Variants in DCC observed in about 807,000 individuals in gnomAD.
The protein encoded by DCC is DCC netrin 1 receptor.
A neutral mutation model predicts 172.5 loss-of-function variants in DCC; 58 were observed. The observed-to-expected ratio is 0.34, with a 90% CI of 0.27 to 0.42. The LOEUF (loss-of-function observed/expected upper bound fraction) is 0.42. Ranked by LOEUF, DCC falls within the 10% of genes least tolerant of loss-of-function variation. DCC has a pLI of 1.00. For missense variants in DCC, 1,740 were observed against 1,791.0 expected (o/e 0.97, Z 0.51); for synonymous variants, 709 against 644.5 (o/e 1.10, Z -1.52).
At chr18:52,442,008 T>G (rs1987986183) in intron 1 of DCC, among the ~76,000 whole-genome samples, 1 of 152,210 alleles carries the variant, frequency 6.6e-6, no homozygotes, top group Admixed American at 6.5e-5. Flanking sequence ...TTGTGCCTGA[T>G]AAAAGGCTGT....
intron 25 of DCC, among the ~76,000 whole-genome samples, chr18:53,478,518 A>T (rs2045793921): frequency 6.6e-6 from 1 of 152,144 alleles, no homozygotes; most frequent in Non-Finnish European, 1.5e-5. Flanking sequence ...CTTGAATTTT[A>T]TATATTTGTC....
intron 11 of DCC, among the ~76,000 whole-genome samples, 168 bp downstream of exon 11, chr18:53,207,985 T>G (rs751084350): frequency 9.9e-5 from 15 of 152,082 alleles, no homozygotes; most frequent in Non-Finnish European, 1.8e-4. Context: ...TACTCCCAGC[T>G]GGATGTGGTA....
intron 12 of DCC, among the ~76,000 whole-genome samples, chr18:53,272,735 G>A (rs1353655993): frequency 1.3e-5 from 2 of 152,102 alleles, no homozygotes; most frequent in Non-Finnish European, 2.9e-5. Context: ...AAGGAAAAGA[G>A]TGTTTAGCAC....
rs1598950950 is a variant in DCC at position 52,606,381 on chromosome 18, T to C, written c.92-145673T>C. Reference sequence around the variant, plus strand: ...TTGTGATGTCAATAAGAATGACACATTTAAAGACCTTATCCAGTGCCTAGT... The same window carrying C: ...TTGTGATGTCAATAAGAATGACACACTTAAAGACCTTATCCAGTGCCTAGT... On this transcript the variant is annotated intron_variant, in intron 1 of 28. Transcript: ENST00000442544. 2.0e-5 allele frequency among the ~76,000 whole-genome samples: 3 copies of C among 152,228 alleles called. No homozygotes were observed. The East Asian group carries it at 5.8e-4, about 29-fold the overall frequency.
At chr18:53,157,607 T>C (rs1362038136) in intron 8 of DCC, 95 bp downstream of exon 8, 1 of 1,289,904 alleles carries the variant, frequency 7.8e-7, no homozygotes, top group African/African-American at 1.5e-5. Context: ...GGCAGGAACT[T>C]TGGAGAGGCT....
intron 5 of DCC, among the ~76,000 whole-genome samples, chr18:53,050,282 C>T (rs1226085753): frequency 2.0e-5 from 3 of 150,446 alleles, no homozygotes; most frequent in South Asian, 2.1e-4. Flanking sequence ...CTTCTGTTAA[C>T]ACCCAGAAAC....
At chr18:53,307,151 A>T (rs1209594074) in intron 13 of DCC, among the ~76,000 whole-genome samples, 2 of 152,166 alleles carry the variant, frequency 1.3e-5, no homozygotes, top group Non-Finnish European at 2.9e-5. Flanking sequence ...ATTTTAGCAT[A>T]ATGGCCAGAG....
At chr18:52,488,806 T>G (rs910177927) in intron 1 of DCC, among the ~76,000 whole-genome samples, 19 of 152,102 alleles carry the variant, frequency 1.2e-4, no homozygotes, top group African/African-American at 4.1e-4. Context: ...AGGGATCAAA[T>G]AAGTTCATTG....
chr18:53,344,586 C>T (rs1353731385), intron 15 of DCC, among the ~76,000 whole-genome samples: 5 of 151,026 alleles, frequency 3.3e-5, no homozygotes, highest in African/African-American at 1.2e-4. Flanking sequence ...GGATTACAAG[C>T]GTGCGCCATC....
intron 1 of DCC, among the ~76,000 whole-genome samples, chr18:52,475,299 T>A (rs1989061529): frequency 6.6e-6 from 1 of 152,164 alleles, no homozygotes; most frequent in Non-Finnish European, 1.5e-5. Context: ...GTGAAGCTAA[T>A]ATGAAAATAA....
chr18:52,589,816 G>A (rs757228432), intron 1 of DCC, among the ~76,000 whole-genome samples: 3 of 152,100 alleles, frequency 2.0e-5, no homozygotes, highest in East Asian at 1.9e-4. Flanking sequence ...AAGTTGACTC[G>A]CACAATTATA....
At chr18:53,038,668 TAAG>T (rs1257228398) in intron 5 of DCC, among the ~76,000 whole-genome samples, 1 of 71,142 alleles carries the variant, frequency 1.4e-5, no homozygotes, top group Non-Finnish European at 4.2e-5. Context: ...CCATGACCAC[TAAG>T]TGTTTATAAA....
chr18:52,589,185 G>T (rs556950094), intron 1 of DCC, among the ~76,000 whole-genome samples: 1 of 152,286 alleles, frequency 6.6e-6, no homozygotes, highest in African/African-American at 2.4e-5. Context: ...GGGCTATTAG[G>T]ATCTGGGGGG....
Position 53,234,574 on chromosome 18 carries a change from C to T in DCC, c.1911+18977C>T, listed in dbSNP as rs1195903431. ...CTGTGAAAACCCTCACTCTCTTAAA[C>T]AGTGACTTAGGGTCACGTGTTTAAA... is the stretch of plus-strand genomic sequence containing the variant. On this transcript the variant is annotated intron_variant, in intron 12 of 28. Transcript: ENST00000442544. 2.6e-5 allele frequency among the ~76,000 whole-genome samples: 4 copies of T among 152,154 alleles called. 1 individual carries two copies. The highest frequency in any genetic ancestry group is 2.6e-4 in the Admixed American group (4 of 15,278).
intron 12 of DCC, among the ~76,000 whole-genome samples, chr18:53,248,276 C>T (rs1193009282): frequency 6.6e-6 from 1 of 151,858 alleles, no homozygotes; most frequent in Non-Finnish European, 1.5e-5. Context: ...AGAGATGGGC[C>T]CAGATTAATT....
chr18:53,031,188 G>A (rs1414942110), intron 5 of DCC, among the ~76,000 whole-genome samples: 1 of 152,172 alleles, frequency 6.6e-6, no homozygotes, highest in Non-Finnish European at 1.5e-5. Context: ...GAACCTGGGA[G>A]GCAGAGGTTG....
At chr18:53,070,618 C>A (rs555460353) in intron 7 of DCC, among the ~76,000 whole-genome samples, 1 of 152,256 alleles carries the variant, frequency 6.6e-6, no homozygotes, top group Non-Finnish European at 1.5e-5. Context: ...GCGTTTAACT[C>A]CTCACTAGAG....
At chr18:52,736,280 T>TAAAAAA (rs11442996) in intron 1 of DCC, among the ~76,000 whole-genome samples, 2 of 131,812 alleles carry the variant, frequency 1.5e-5, no homozygotes, top group Non-Finnish European at 3.3e-5. Context: ...ACTGTAAACA[T>TAAAAAA]AAAAAAAAAA....
chr18:53,430,058 G>A lies in DCC; in HGVS notation c.3164-5086G>A, dbSNP rs370939378. 3.2e-4 allele frequency among the ~76,000 whole-genome samples: 49 copies of A among 152,084 alleles called. No individual in the cohort carries two copies. In the South Asian group the frequency reaches 4.8e-3, roughly 15 times the overall value. ...CTGACAAATCACCTACTTTAAATACGGTCTGTGTGTCAGATGGACAGTAAA... is the reference window on the plus strand; with the variant it reads ...CTGACAAATCACCTACTTTAAATACAGTCTGTGTGTCAGATGGACAGTAAA... On this transcript the variant is annotated intron_variant, in intron 21 of 28. Transcript: ENST00000442544.
Sources: gnomAD v4.1 joint callset for allele counts (sites outside exome capture counted in the v4.1 genomes callset) on GRCh38, gnomAD v4.1.1 for gene constraint, MANE v1.5 for transcripts, NCBI Gene and HGNC (gene_info 2026-07-23, HGNC 2026-07-21) for gene names.